ST8SIA6: variants seen among roughly 807,000 people sequenced by gnomAD.
ST8SIA6 encodes the protein alpha-2,8-sialyltransferase 8F.
ST8SIA6 carries 39 observed loss-of-function variants against 33.6 expected under a neutral mutation model. The observed-to-expected ratio is 1.16, with a 90% CI of 0.90 to 1.52. The LOEUF (loss-of-function observed/expected upper bound fraction) is 1.52, where lower values mean the gene tolerates loss of function less well. Among genes scored for constraint, ST8SIA6 ranks in the 40% most tolerant of loss-of-function variants. ST8SIA6 has a pLI of 0.00. For synonymous variants in ST8SIA6, 172 were observed against 167.2 expected (o/e 1.03, Z -0.22); for missense variants, 441 against 443.8 (o/e 0.99, Z 0.06).
At chr10:17,342,416 C>T (rs113584904) in intron 4 of ST8SIA6, among the ~76,000 whole-genome samples, 2,072 of 152,146 alleles carry the variant, frequency 0.014, 25 homozygotes, top group Non-Finnish European at 0.022. Context: ...CCGAACCCAG[C>T]GCACAGAAGG....
intron 3 of ST8SIA6, among the ~76,000 whole-genome samples, chr10:17,369,917 C>A (rs1359261209): frequency 6.6e-6 from 1 of 151,532 alleles, no homozygotes; most frequent in African/African-American, 2.4e-5. Flanking sequence ...TCTATTGTAT[C>A]TTTGAGTCTA....
rs1346265309 is a variant in ST8SIA6, at chr10:17,316,415, T to A, written c.*4463A>T. On this transcript the variant is annotated 3_prime_UTR_variant, in exon 8 of 8. Coordinates refer to ENST00000377602, the MANE Select transcript of ST8SIA6 (RefSeq NM_001004470.3). Reference sequence around the variant, plus strand: ...GTTCACTGACTTCCGAAGAGACAGATATCTGTGAGTCCAATTTGTCTACTT... The same window carrying A: ...GTTCACTGACTTCCGAAGAGACAGAAATCTGTGAGTCCAATTTGTCTACTT... 6.6e-6 allele frequency among the ~76,000 whole-genome samples: 1 copy of A among 152,108 alleles called. No homozygotes were observed. The highest frequency in any genetic ancestry group is 1.5e-5 in the Non-Finnish European group (1 of 67,962).
intron 2 of ST8SIA6, among the ~76,000 whole-genome samples, chr10:17,443,785 G>T (rs2131740861): frequency 6.6e-6 from 1 of 152,302 alleles, no homozygotes; most frequent in African/African-American, 2.4e-5. Context: ...TAATGGCAAA[G>T]GAAGCTATAA....
rs1276605143 is a variant in ST8SIA6 at position 17,315,427 on chromosome 10, T to C, written c.*5451A>G. On this transcript the variant is annotated 3_prime_UTR_variant, in exon 8 of 8. Coordinates refer to ENST00000377602, the MANE Select transcript of ST8SIA6 (RefSeq NM_001004470.3). ...TCACAAGAAGACTTGCACATTAATGTTCATGATACCTTTATTTGTAATAGC... is the reference window on the plus strand; with the variant it reads ...TCACAAGAAGACTTGCACATTAATGCTCATGATACCTTTATTTGTAATAGC... Among the ~76,000 whole-genome samples, 4 of 152,034 alleles carry C rather than the reference T, an allele frequency of 2.6e-5. No individual in the cohort carries two copies. The highest frequency in any genetic ancestry group is 4.4e-5 in the Non-Finnish European group (3 of 67,890).
intron 4 of ST8SIA6, among the ~76,000 whole-genome samples, chr10:17,356,914 G>C (rs780081524): frequency 1.2e-4 from 18 of 151,970 alleles, no homozygotes; most frequent in Non-Finnish European, 2.2e-4. Context: ...AAAAAAGAAA[G>C]GAAAGGAAGA....
At position 17,354,612 on chromosome 10, in the gene ST8SIA6, A is replaced by G. The variant is rs1849135768; in HGVS notation, c.377+4902T>C. 2.0e-5 allele frequency among the ~76,000 whole-genome samples: 3 copies of G among 152,206 alleles called. No individual in the cohort carries two copies. In the South Asian group the frequency reaches 6.2e-4, roughly 32 times the overall value. Reference sequence around the variant, plus strand: ...CTAGTATCTCACAAAATGTAAATTCATAGCGGAAACTTAGAATCTGCGGTA... The same window carrying G: ...CTAGTATCTCACAAAATGTAAATTCGTAGCGGAAACTTAGAATCTGCGGTA... On this transcript the variant is annotated intron_variant, in intron 4 of 7. Coordinates refer to ENST00000377602, the MANE Select transcript of ST8SIA6 (RefSeq NM_001004470.3).
intron 3 of ST8SIA6, among the ~76,000 whole-genome samples, chr10:17,376,429 C>G (rs1279903324): frequency 6.6e-6 from 1 of 151,936 alleles, no homozygotes; most frequent in African/African-American, 2.4e-5. Flanking sequence ...AGAAACTGAA[C>G]AAACCTAATG....
At chr10:17,366,728 C>T (rs939133063) in intron 3 of ST8SIA6, among the ~76,000 whole-genome samples, 8 of 152,068 alleles carry the variant, frequency 5.3e-5, no homozygotes, top group African/African-American at 1.9e-4. Context: ...TAGGTGAAGA[C>T]AAGGGTGGTA....
intron 2 of ST8SIA6, among the ~76,000 whole-genome samples, chr10:17,404,064 C>CAA (rs964237726): frequency 2.2e-3 from 124 of 56,008 alleles, no homozygotes; most frequent in East Asian, 6.3e-3. Context: ...GACACTGTCT[C>CAA]AAAAAAAAAA....
chr10:17,422,683 ACT>A (rs1448863034), intron 2 of ST8SIA6, among the ~76,000 whole-genome samples: 2 of 152,136 alleles, frequency 1.3e-5, no homozygotes, highest in Non-Finnish European at 1.5e-5. Context: ...TATTTTACTG[ACT>A]CTGAGGGGCA....
At chr10:17,377,516 AG>A (rs140373750) in intron 3 of ST8SIA6, among the ~76,000 whole-genome samples, 149 of 152,364 alleles carry the variant, frequency 9.8e-4, no homozygotes, top group African/African-American at 3.3e-3. Context: ...GATTGGCACC[AG>A]GGGATAGGCA....
chr10:17,361,002 A>G (rs947122829), intron 3 of ST8SIA6, among the ~76,000 whole-genome samples: 14 of 152,036 alleles, frequency 9.2e-5, no homozygotes, highest in Non-Finnish European at 1.6e-4. Flanking sequence ...AGAAGAATCA[A>G]CCAATCCACA....
At chr10:17,327,622 A>G (rs769806699) in intron 5 of ST8SIA6, among the ~76,000 whole-genome samples, 1 of 147,380 alleles carries the variant, frequency 6.8e-6, no homozygotes, top group Non-Finnish European at 1.5e-5. Flanking sequence ...ACAAAAAACC[A>G]GCCAGGTGCA....
At chr10:17,362,534 G>T (rs1444527) in intron 3 of ST8SIA6, among the ~76,000 whole-genome samples, 56,091 of 151,774 alleles carry the variant, frequency 0.37, 10,588 homozygotes, top group East Asian at 0.6. Context: ...TCCTATGAGC[G>T]CTCAGACTGC....
intron 4 of ST8SIA6, among the ~76,000 whole-genome samples, chr10:17,333,715 A>ATTT (rs1564405142): frequency 1.3e-3 from 45 of 35,388 alleles, no homozygotes; most frequent in Non-Finnish European, 1.4e-3. Flanking sequence ...ATATATATAT[A>ATTT]TATTTTTTTT....
intron 3 of ST8SIA6, among the ~76,000 whole-genome samples, chr10:17,364,913 A>G (rs1849509410): frequency 6.6e-6 from 1 of 152,218 alleles, no homozygotes; most frequent in Non-Finnish European, 1.5e-5. Flanking sequence ...GTTTTTCTGG[A>G]TGACAAAACT....
At chr10:17,415,803 CTTTTTTT>C (rs968920842) in intron 2 of ST8SIA6, among the ~76,000 whole-genome samples, 8 of 92,208 alleles carry the variant, frequency 8.7e-5, no homozygotes, top group Middle Eastern at 7.9e-3. Context: ...CCTCACTTGT[CTTTTTTT>C]TTTTTTTTTT....
intron 2 of ST8SIA6, among the ~76,000 whole-genome samples, chr10:17,391,870 C>T (rs376219605): frequency 6.6e-6 from 1 of 152,248 alleles, no homozygotes; most frequent in South Asian, 2.1e-4. Context: ...ATTGTGCTTA[C>T]CTCATAGTGT....
chr10:17,338,820 C>G (rs1036408080), intron 4 of ST8SIA6, among the ~76,000 whole-genome samples: 3 of 152,200 alleles, frequency 2.0e-5, no homozygotes, highest in African/African-American at 7.2e-5. Context: ...CTCCATGCAA[C>G]CCAGGTTCAA....
Sources: allele counts gnomAD v4.1 joint callset (sites outside exome capture counted in the v4.1 genomes callset), GRCh38; gene constraint gnomAD v4.1.1; transcripts MANE v1.5; gene names NCBI Gene and HGNC (gene_info 2026-07-23, HGNC 2026-07-21).